The following CHAF1A variants were observed in gnomAD, a reference collection of about 807,000 sequenced individuals.
CHAF1A encodes the protein chromatin assembly factor 1 subunit A, also known as CAF-1 subunit A.
CHAF1A carries 5 observed loss-of-function variants against 93.2 expected under a neutral mutation model. The observed-to-expected ratio is 0.05, with a 90% CI of 0.03 to 0.11. The LOEUF is 0.11. CHAF1A is among the 10% of genes least tolerant of loss of function. The pLI is 1.00. For missense variants in CHAF1A, 1,102 were observed against 1,259.9 expected, an observed-to-expected ratio of 0.87 and a Z score of 1.90; for synonymous variants, 504 against 510.3, an observed-to-expected ratio of 0.99 and a Z score of 0.17.
rs549927809 is a variant in CHAF1A at position 4,427,661 on chromosome 19, C to T, written c.1378-1003C>T. On this transcript the variant is annotated intron_variant, in intron 7 of 14. Coordinates refer to ENST00000301280, the MANE Select transcript of CHAF1A (RefSeq NM_005483.3). ...GGAGTGCAGTGGCACGATCTCAGCT[C>T]ACTGCAACCTCTGCCTCCCAGGTTC... Among the ~76,000 whole-genome samples, 12 of 152,278 alleles carry T rather than the reference C, an allele frequency of 7.9e-5. 1 individual carries two copies. In the East Asian group the frequency reaches 1.7e-3, roughly 22 times the overall value.
intron 13 of CHAF1A, among the ~76,000 whole-genome samples, chr19:4,441,436 C>T (rs866311775): frequency 4.0e-5 from 6 of 151,838 alleles, no homozygotes; most frequent in Non-Finnish European, 7.4e-5. Flanking sequence ...GGTGAAACCC[C>T]GTCTCTACTA....
At chr19:4,406,465 C>G (rs1216077400) in intron 2 of CHAF1A, among the ~76,000 whole-genome samples, 1 of 142,892 alleles carries the variant, frequency 7.0e-6, no homozygotes, top group Non-Finnish European at 1.5e-5. Flanking sequence ...GACGGAGTCT[C>G]ATTCTGTTGC....
At chr19:4,436,991 T>C (rs1037963871) in intron 13 of CHAF1A, among the ~76,000 whole-genome samples, 1 of 152,148 alleles carries the variant, frequency 6.6e-6, no homozygotes, top group Non-Finnish European at 1.5e-5. Flanking sequence ...CTAGAGTGGG[T>C]CAGAGAGGTT....
At chr19:4,448,589 C>T, downstream of CHAF1A, 1 of 625,930 alleles carries the variant, frequency 1.6e-6, no homozygotes, top group South Asian at 1.9e-5. Context: ...CAGCCCTGCC[C>T]ACGCCCCAGG....
intron 10 of CHAF1A, 138 bp downstream of exon 10, chr19:4,429,926 C>G: frequency 1.4e-6 from 1 of 702,346 alleles, no homozygotes; most frequent in Non-Finnish European, 2.4e-6. Context: ...TGGTCTGAAA[C>G]CTGAACGCAC....
At chr19:4,446,449 G>A, downstream of CHAF1A, 3 of 1,581,474 alleles carry the variant, frequency 1.9e-6, no homozygotes, top group African/African-American at 1.3e-5. Flanking sequence ...GGCTGGCCGG[G>A]GTTCTTCCAC....
At chr19:4,444,450 A>G (rs1034124482), downstream of CHAF1A, 1 of 152,112 alleles carries the variant, frequency 6.6e-6, no homozygotes, top group African/African-American at 2.4e-5. Context: ...GGCTAACATC[A>G]AGCTGTGGGC....
downstream of CHAF1A, chr19:4,448,543 C>A: frequency 1.3e-6 from 1 of 753,368 alleles, no homozygotes; most frequent in Non-Finnish European, 2.2e-6. Flanking sequence ...GCTGTGCGCT[C>A]ATCACAGAAA....
intron 3 of CHAF1A, among the ~76,000 whole-genome samples, chr19:4,412,700 G>A (rs1973827922): frequency 6.6e-6 from 1 of 152,220 alleles, no homozygotes; most frequent in South Asian, 2.1e-4. Context: ...TGAACCCAGT[G>A]TGCAACATTT....
downstream of CHAF1A, chr19:4,446,266 G>A: frequency 1.9e-6 from 3 of 1,568,852 alleles, no homozygotes; most frequent in East Asian, 2.3e-5. Context: ...CCCTCCACGG[G>A]CATCGTTGGT....
At position 4,416,461 on chromosome 19, in the gene CHAF1A, G is replaced by T. The variant is rs149768074; in HGVS notation, c.961-1559G>T. On this transcript the variant is annotated intron_variant, in intron 3 of 14. Transcript: ENST00000301280. ...TAGGTGGATGGTGAGTCACACCATG[G>T]ATCCTATTGGTAATTCCTAGTAGCT... Among the ~76,000 whole-genome samples, 381 of 152,344 alleles carry T rather than the reference G, an allele frequency of 2.5e-3. 1 individual carries two copies. Among genetic ancestry groups the T allele is most frequent in the African/African-American group, 8.8e-3 (365 of 41,588 alleles).
At chr19:4,412,716 A>G (rs243354) in intron 3 of CHAF1A, among the ~76,000 whole-genome samples, 50,118 of 152,078 alleles carry the variant, frequency 0.33, 8,742 homozygotes, top group East Asian at 0.59. Context: ...CATTTAGGAA[A>G]CCCTGCATTT....
At chr19:4,429,099 T>A in intron 8 of CHAF1A, 3 of 596,456 alleles carry the variant, frequency 5.0e-6, no homozygotes, top group Non-Finnish European at 8.9e-6. Flanking sequence ...TCTTCCCAGC[T>A]CCTCGTGGAG....
downstream of CHAF1A, chr19:4,447,147 C>G: frequency 1.7e-6 from 1 of 598,556 alleles, no homozygotes. Flanking sequence ...CAACCAGGCA[C>G]GAAGAGTGAG....
Position 4,430,617 on chromosome 19 carries a change from G to C in CHAF1A, c.1923G>C (p.Leu641=). 1.2e-6 allele frequency: 2 copies of C among 1,613,778 alleles called. No individual in the cohort carries two copies. Among genetic ancestry groups the C allele is most frequent in the Middle Eastern group, 1.7e-4 (1 of 6,060 alleles). Reference sequence around the variant, plus strand: ...GTTTCTTTGTGCCCCATGGGTACCTGTCTGAGGACGAAGGTGTGACAGAGG... The same window carrying C: ...GTTTCTTTGTGCCCCATGGGTACCTCTCTGAGGACGAAGGTGTGACAGAGG... ...DDGFFVPHGY[L]SEDEGVTEEC... is the part of the protein sequence containing the mutation. The change falls in exon 11 of 15, where the codon CTG becomes CTC. Residue 641 remains leucine, a synonymous_variant. Coordinates refer to ENST00000301280, the MANE Select transcript of CHAF1A (RefSeq NM_005483.3).
intron 11 of CHAF1A, 82 bp from the exon 12 acceptor site, chr19:4,431,870 G>T (rs1016297591): frequency 1.3e-6 from 2 of 1,518,872 alleles, no homozygotes; most frequent in African/African-American, 1.4e-5. Context: ...TCCCCAGCTG[G>T]CTGGGGACTG....
At chr19:4,434,625 G>A (rs138068408) in intron 13 of CHAF1A, among the ~76,000 whole-genome samples, 31 of 151,884 alleles carry the variant, frequency 2.0e-4, no homozygotes, top group African/African-American at 6.5e-4. Context: ...GGCAGTATGC[G>A]TTGACAGTTC....
At chr19:4,423,429 GC>G in intron 6 of CHAF1A, 34 bp downstream of exon 6, 1 of 1,611,878 alleles carries the variant, frequency 6.2e-7, no homozygotes, top group Non-Finnish European at 8.5e-7. Context: ...CCCCGTCCCA[GC>G]CCGTTGGAGA....
At chr19:4,448,289 C>T (rs1974581108), downstream of CHAF1A, 2 of 1,572,214 alleles carry the variant, frequency 1.3e-6, no homozygotes, top group Non-Finnish European at 8.6e-7. Context: ...CTGGAGGGGC[C>T]AGGCAGGGCA....
Sources: gnomAD v4.1 joint callset for allele counts (sites outside exome capture counted in the v4.1 genomes callset) on GRCh38, gnomAD v4.1.1 for gene constraint, MANE v1.5 for transcripts, NCBI Gene and HGNC (gene_info 2026-07-23, HGNC 2026-07-21) for gene names.